PARN: variants seen among roughly 807,000 people sequenced by gnomAD.
PARN encodes the protein poly(A)-specific ribonuclease PARN.
PARN carries 71 observed loss-of-function variants against 102.8 expected under a neutral mutation model. The ratio of observed to expected loss-of-function variants is 0.69; its 90% confidence interval spans 0.57 to 0.84. The LOEUF (loss-of-function observed/expected upper bound fraction) is 0.84, where lower values mean the gene tolerates loss of function less well. Ranked by LOEUF, PARN falls within the 40% of genes least tolerant of loss-of-function variation. PARN has a pLI of 0.00. For synonymous variants in PARN, 261 were observed against 252.9 expected, an observed-to-expected ratio of 1.03 and a Z score of -0.30; for missense variants, 782 against 760.9, an observed-to-expected ratio of 1.03 and a Z score of -0.33.
At position 14,559,350 on chromosome 16, in the gene PARN, T is replaced by A. The variant is rs541337243; in HGVS notation, c.1263-3641A>T. On this transcript the variant is annotated intron_variant, in intron 18 of 23. Coordinates refer to ENST00000437198, the MANE Select transcript of PARN (RefSeq NM_002582.4). ...TCTAATATTTCACCTGAATTTTCAA[T>A]ATTATCTCTGATTAAAGTAAGCAAA... Among the ~76,000 whole-genome samples the A allele has an allele frequency of 3.9e-5, 6 of 152,214 alleles. No individual in the cohort carries two copies. In the East Asian group the frequency reaches 1.2e-3, roughly 29 times the overall value.
intron 12 of PARN, among the ~76,000 whole-genome samples, chr16:14,593,598 A>C (rs1970333321): frequency 6.6e-6 from 1 of 151,938 alleles, no homozygotes; most frequent in Non-Finnish European, 1.5e-5. Context: ...GCAAAGTGAA[A>C]GCACAAATGA....
At chr16:14,437,329 A>G (rs1960747980) in intron 23 of PARN, among the ~76,000 whole-genome samples, 1 of 152,198 alleles carries the variant, frequency 6.6e-6, no homozygotes, top group Admixed American at 6.5e-5. Context: ...GGCTCTGCCT[A>G]GGTGAGAAAT....
rs1348516160 is a variant in PARN at position 14,532,542 on chromosome 16, A to G, written c.1480+19479T>C. Among the ~76,000 whole-genome samples the G allele has an allele frequency of 2.0e-5, 3 of 152,192 alleles. No individual in the cohort carries two copies. In the East Asian group the frequency reaches 5.8e-4, roughly 29 times the overall value. On this transcript the variant is annotated intron_variant, in intron 21 of 23. Coordinates refer to ENST00000437198, the MANE Select transcript of PARN (RefSeq NM_002582.4). ...AGAATTTTTCTTAGTACAGAGCAAA[A>G]CGAAAAGTCTCCCATGTCTACCTCT...
Position 14,630,088 on chromosome 16 carries a change from G to A in PARN, c.19+19C>T, listed in dbSNP as rs1229183679. On this transcript the variant is annotated intron_variant, in intron 1 of 23. Coordinates refer to ENST00000437198, the MANE Select transcript of PARN (RefSeq NM_002582.4). ...CAGCCGGGTGTGGGGAGGCGGGGAG[G>A]TGTACGGCGGACACGCACTGCTCCT... The A allele has an allele frequency of 6.4e-7, 1 of 1,554,826 alleles. No homozygotes were observed. The highest frequency in any genetic ancestry group is 8.7e-7 in the Non-Finnish European group (1 of 1,147,118).
intron 22 of PARN, among the ~76,000 whole-genome samples, chr16:14,450,931 AGTCTACATCAATAC>A (rs1961417502): frequency 1.3e-5 from 2 of 152,136 alleles, no homozygotes; most frequent in East Asian, 3.8e-4. Flanking sequence ...GCAATCCATG[AGTCTACATCAATAC>A]GTAAGACAAG....
intron 23 of PARN, among the ~76,000 whole-genome samples, chr16:14,441,456 A>G (rs1241819984): frequency 6.6e-6 from 1 of 152,232 alleles, no homozygotes; most frequent in African/African-American, 2.4e-5. Context: ...GGACACTGGA[A>G]GCTTCCCATT....
At chr16:14,448,891 A>T (rs1961319691) in intron 22 of PARN, among the ~76,000 whole-genome samples, 1 of 152,190 alleles carries the variant, frequency 6.6e-6, no homozygotes, top group South Asian at 2.1e-4. Context: ...ATAAGGGAGG[A>T]TATTAATGGT....
At chr16:14,569,191 G>A (rs895512995) in intron 18 of PARN, among the ~76,000 whole-genome samples, 3 of 151,674 alleles carry the variant, frequency 2.0e-5, no homozygotes, top group Admixed American at 6.6e-5. Context: ...CAGCCTGGGC[G>A]ATGGAGGAGA....
chr16:14,574,257 T>C (rs1218120150), intron 18 of PARN, among the ~76,000 whole-genome samples: 1 of 152,226 alleles, frequency 6.6e-6, no homozygotes, highest in Non-Finnish European at 1.5e-5. Context: ...TAGAGATTTG[T>C]AGAACTTTGA....
At chr16:14,606,755 T>A (rs1328765202) in intron 9 of PARN, among the ~76,000 whole-genome samples, 1 of 151,766 alleles carries the variant, frequency 6.6e-6, no homozygotes, top group African/African-American at 2.4e-5. Context: ...TTCAAATTAA[T>A]TTTTTTTAGG....
At position 14,541,009 on chromosome 16, in the gene PARN, G is replaced by A. The variant is rs191092525; in HGVS notation, c.1480+11012C>T. Reference sequence around the variant, plus strand: ...GTTACAACTAAAAAGCACAGATTTCGGCCAAACACAGTGGCTCATGCCTGT... The same window carrying A: ...GTTACAACTAAAAAGCACAGATTTCAGCCAAACACAGTGGCTCATGCCTGT... On this transcript the variant is annotated intron_variant, in intron 21 of 23. Transcript: ENST00000437198. Among the ~76,000 whole-genome samples the A allele has an allele frequency of 2.0e-5, 3 of 151,982 alleles. No homozygotes were observed. The East Asian group carries it at 5.8e-4, about 29-fold the overall frequency.
At position 14,584,380 on chromosome 16, in the gene PARN, A is replaced by T; in HGVS notation, c.1048T>A (p.Leu350Ile). ...NTSLAELEKR[L>I]KETPFNPPKV... ...GGAGGGTTGAAAGGTGTCTCTTTTA[A>T]CCGCTTTTCCAATTCCGCAAGGGAT... The change falls in exon 16 of 24, where the codon TTA becomes ATA. Residue 350 changes from leucine (L) to isoleucine (I), a missense_variant. Coordinates refer to ENST00000437198, the MANE Select transcript of PARN (RefSeq NM_002582.4). 4 of 1,613,410 alleles carry T rather than the reference A, an allele frequency of 2.5e-6. No individual in the cohort carries two copies. The highest frequency in any genetic ancestry group is 3.4e-6 in the Non-Finnish European group (4 of 1,179,486).
intron 22 of PARN, among the ~76,000 whole-genome samples, chr16:14,453,221 T>C (rs546672645): frequency 6.6e-6 from 1 of 152,370 alleles, no homozygotes; most frequent in East Asian, 1.9e-4. Flanking sequence ...CAACTTGGTA[T>C]GTTAAAATTG....
At chr16:14,599,104 G>A (rs1482100807) in intron 12 of PARN, among the ~76,000 whole-genome samples, 3 of 142,886 alleles carry the variant, frequency 2.1e-5, no homozygotes, top group Admixed American at 7.3e-5. Flanking sequence ...GTGCAATGGC[G>A]TGATCACAGC....
intron 23 of PARN, among the ~76,000 whole-genome samples, chr16:14,437,266 ACCAACATCCCTG>A (rs985701983): frequency 5.1e-4 from 77 of 152,308 alleles, no homozygotes; most frequent in African/African-American, 1.8e-3. Flanking sequence ...CTCCCACAGC[ACCAACATCCCTG>A]CCAAAGTCCC....
At chr16:14,488,441 A>C (rs1466699084) in intron 21 of PARN, among the ~76,000 whole-genome samples, 3 of 152,238 alleles carry the variant, frequency 2.0e-5, no homozygotes, top group Non-Finnish European at 4.4e-5. Flanking sequence ...AAAGAGAAGA[A>C]AGACAATCTA....
chr16:14,455,640 G>T (rs1289076961), intron 22 of PARN, among the ~76,000 whole-genome samples: 1 of 151,998 alleles, frequency 6.6e-6, no homozygotes, highest in African/African-American at 2.4e-5. Flanking sequence ...ACAAGACTTG[G>T]AGGATTTTGT....
At chr16:14,623,836 CA>C (rs1245560307) in intron 5 of PARN, among the ~76,000 whole-genome samples, 245 of 108,188 alleles carry the variant, frequency 2.3e-3, no homozygotes, top group Middle Eastern at 5.9e-3. Flanking sequence ...GGCTCCATCT[CA>C]AAAAAAAAAA....
intron 22 of PARN, among the ~76,000 whole-genome samples, chr16:14,457,056 C>T (rs976511411): frequency 1.3e-5 from 2 of 152,148 alleles, no homozygotes; most frequent in Non-Finnish European, 2.9e-5. Flanking sequence ...CCAAGGTTTG[C>T]TGAATGGATA....
Sources: gnomAD v4.1 joint callset for allele counts (sites outside exome capture counted in the v4.1 genomes callset) on GRCh38, gnomAD v4.1.1 for gene constraint, MANE v1.5 for transcripts, NCBI Gene and HGNC (gene_info 2026-07-23, HGNC 2026-07-21) for gene names.